GALNT13: variants seen among roughly 807,000 people sequenced by gnomAD.
The protein encoded by GALNT13 is polypeptide N-acetylgalactosaminyltransferase 13.
GALNT13 carries 28 observed loss-of-function variants against 64.2 expected under a neutral mutation model. That is an observed-to-expected ratio of 0.44 (90% CI 0.32 to 0.60). The LOEUF is 0.60. Ranked by LOEUF, GALNT13 falls within the 20% of genes least tolerant of loss-of-function variation. The probability of loss-of-function intolerance (pLI) is 0.05; values close to 1 mark genes in which losing one functional copy is unlikely to be tolerated. For missense variants in GALNT13, 577 were observed against 669.8 expected (o/e 0.86, Z 1.53); for synonymous variants, 214 against 224.6 (o/e 0.95, Z 0.42).
the GALNT13 span, among the ~76,000 whole-genome samples, chr2:153,190,365 C>T: frequency 1.3e-5 from 2 of 152,028 alleles, no homozygotes; most frequent in African/African-American, 4.8e-5. Flanking sequence ...ATGCTCTTGG[C>T]ACCTTTGTCA....
At chr2:154,093,546 T>C (rs1701926422) in intron 3 of GALNT13, among the ~76,000 whole-genome samples, 1 of 151,916 alleles carries the variant, frequency 6.6e-6, no homozygotes, top group African/African-American at 2.4e-5. Flanking sequence ...AAACTGACAG[T>C]TTAGAGGAAA....
chr2:153,933,567 A>T (rs544610029), intron 2 of GALNT13, among the ~76,000 whole-genome samples: 314 of 152,184 alleles, frequency 2.1e-3, no homozygotes, highest in Non-Finnish European at 2.1e-3. Context: ...TTAAGTGGGG[A>T]TGTTTAGCCT....
the GALNT13 span, among the ~76,000 whole-genome samples, chr2:153,749,787 T>G: frequency 2.6e-5 from 4 of 151,974 alleles, no homozygotes; most frequent in Non-Finnish European, 2.9e-5. Flanking sequence ...ATAAGGATAA[T>G]TTGACTTTGT....
At chr2:153,638,044 A>G in the GALNT13 span, among the ~76,000 whole-genome samples, 3 of 150,740 alleles carry the variant, frequency 2.0e-5, no homozygotes, top group South Asian at 6.2e-4. Flanking sequence ...TTATTTCCCA[A>G]AGAAGCTGAA....
chr2:153,534,630 T>C, the GALNT13 span, among the ~76,000 whole-genome samples: 1 of 151,510 alleles, frequency 6.6e-6, no homozygotes, highest in African/African-American at 2.4e-5. Flanking sequence ...TGGGCCGTTT[T>C]ATAGGATTTG....
At chr2:153,483,912 A>G in the GALNT13 span, among the ~76,000 whole-genome samples, 4 of 152,180 alleles carry the variant, frequency 2.6e-5, no homozygotes, top group African/African-American at 9.7e-5. Flanking sequence ...ATGGGTACAG[A>G]GTTTGAGTTT....
At chr2:153,768,789 C>T in the GALNT13 span, among the ~76,000 whole-genome samples, 2 of 152,064 alleles carry the variant, frequency 1.3e-5, no homozygotes, top group Non-Finnish European at 2.9e-5. Flanking sequence ...TGGTGTGAAC[C>T]CAGGAGGCGG....
the GALNT13 span, among the ~76,000 whole-genome samples, chr2:153,255,241 T>G: frequency 4.8e-5 from 7 of 144,382 alleles, no homozygotes; most frequent in Admixed American, 1.4e-4. Context: ...CTTTGTCTCT[T>G]TTGATCTTTG....
At chr2:153,907,563 A>G (rs961516300) in intron 2 of GALNT13, among the ~76,000 whole-genome samples, 3 of 151,786 alleles carry the variant, frequency 2.0e-5, no homozygotes, top group Admixed American at 6.6e-5. Context: ...GCCACCCTCT[A>G]TCCTAAGGTA....
the GALNT13 span, among the ~76,000 whole-genome samples, chr2:153,743,246 G>A: frequency 3.2e-4 from 49 of 152,162 alleles, no homozygotes; most frequent in South Asian, 5.0e-3. Flanking sequence ...ATTTACAGGC[G>A]TTTCCTTTTC....
intron 3 of GALNT13, among the ~76,000 whole-genome samples, chr2:154,108,013 CT>C (rs1490347862): frequency 1.3e-5 from 2 of 151,986 alleles, no homozygotes; most frequent in Non-Finnish European, 2.9e-5. Flanking sequence ...TTGTTGTACA[CT>C]TGGGTTGATT....
intron 2 of GALNT13, among the ~76,000 whole-genome samples, chr2:153,942,351 C>T (rs568074173): frequency 6.6e-6 from 1 of 152,118 alleles, no homozygotes; most frequent in African/African-American, 2.4e-5. Flanking sequence ...TGGGAATGGC[C>T]GTGTAGTGAC....
intron 4 of GALNT13, among the ~76,000 whole-genome samples, chr2:154,160,876 A>G (rs1272828504): frequency 6.6e-6 from 1 of 152,220 alleles, no homozygotes; most frequent in Non-Finnish European, 1.5e-5. Flanking sequence ...TTAGAGATGT[A>G]TGATAGATTC....
the GALNT13 span, among the ~76,000 whole-genome samples, chr2:153,091,553 G>T: frequency 6.6e-6 from 1 of 152,164 alleles, no homozygotes; most frequent in Non-Finnish European, 1.5e-5. Context: ...GTACATTCCT[G>T]TGGTAGTTCT....
the GALNT13 span, among the ~76,000 whole-genome samples, chr2:153,729,138 A>G: frequency 1.3e-5 from 2 of 152,056 alleles, no homozygotes; most frequent in African/African-American, 4.8e-5. Flanking sequence ...ACTCATAGCC[A>G]ATATCATACT....
At chr2:153,814,955 C>T in the GALNT13 span, among the ~76,000 whole-genome samples, 1 of 152,136 alleles carries the variant, frequency 6.6e-6, no homozygotes, top group Non-Finnish European at 1.5e-5. Context: ...CTTTAACTGT[C>T]AAAAAATTTT....
chr2:153,857,331 T>C, the GALNT13 span, among the ~76,000 whole-genome samples: 1 of 152,194 alleles, frequency 6.6e-6, no homozygotes, highest in African/African-American at 2.4e-5. Context: ...TATGCACCTA[T>C]GATTTGTGAA....
the GALNT13 span, among the ~76,000 whole-genome samples, chr2:153,822,786 A>G: frequency 1.3e-5 from 2 of 152,308 alleles, no homozygotes; most frequent in South Asian, 2.1e-4. Context: ...CAACCAGGCA[A>G]TAGAAAGAAA....
intron 3 of GALNT13, among the ~76,000 whole-genome samples, chr2:154,088,165 G>A (rs1226533554): frequency 6.6e-6 from 1 of 152,058 alleles, no homozygotes; most frequent in East Asian, 1.9e-4. Context: ...CTTTTCAGTA[G>A]CCTTGCATCT....
Sources: gnomAD v4.1 joint callset for allele counts (sites outside exome capture counted in the v4.1 genomes callset) on GRCh38, gnomAD v4.1.1 for gene constraint, MANE v1.5 for transcripts, NCBI Gene and HGNC (gene_info 2026-07-23, HGNC 2026-07-21) for gene names.